GRIA4: variants seen among roughly 807,000 people sequenced by gnomAD.
GRIA4 encodes glutamate ionotropic receptor AMPA type subunit 4.
In GRIA4, 34 loss-of-function variants were observed where a neutral mutation model predicts 104.0. The observed-to-expected ratio is 0.33, with a 90% CI of 0.25 to 0.44. The LOEUF (loss-of-function observed/expected upper bound fraction) is 0.44. GRIA4 is among the 20% of genes least tolerant of loss of function. The probability of loss-of-function intolerance (pLI) is 1.00; values close to 1 mark genes in which losing one functional copy is unlikely to be tolerated. For missense variants in GRIA4, 750 were observed against 1,096.5 expected (o/e 0.68, Z 4.46); for synonymous variants, 386 against 381.9 (o/e 1.01, Z -0.13).
In GRIA4 at chr11:105,733,241, T is replaced by G. The variant is rs118190756; in HGVS notation, c.248-19740T>G. 4.7e-3 allele frequency among the ~76,000 whole-genome samples: 715 copies of G among 152,322 alleles called. 10 individuals are homozygous for G. In the East Asian group the frequency reaches 0.049, roughly 10 times the overall value. ...TCTTTAATATCGCACTACTGGATGA[T>G]GCCATACTTTAGAGAAGATACGGTG... On this transcript the variant is annotated intron_variant, in intron 3 of 16. Coordinates refer to ENST00000282499, the MANE Select transcript of GRIA4 (RefSeq NM_000829.4).
intron 10 of GRIA4, among the ~76,000 whole-genome samples, chr11:105,914,602 A>G (rs1350870335): frequency 6.6e-6 from 1 of 152,172 alleles, no homozygotes; most frequent in Non-Finnish European, 1.5e-5. Context: ...TTAAACAGAG[A>G]GTGATTTATC....
At chr11:105,974,580 G>C (rs1204178746) in intron 16 of GRIA4, 136 bp downstream of exon 16, 2 of 1,604,846 alleles carry the variant, frequency 1.2e-6, no homozygotes, top group African/African-American at 2.7e-5. Flanking sequence ...CCCGACTACA[G>C]TGAGTGGGGG....
intron 3 of GRIA4, among the ~76,000 whole-genome samples, chr11:105,724,679 G>A (rs969644786): frequency 1.3e-5 from 2 of 152,042 alleles, no homozygotes; most frequent in Non-Finnish European, 2.9e-5. Flanking sequence ...ATTACTTAAT[G>A]AATGCAGTGT....
At chr11:105,611,663 A>G (rs964169660) in intron 2 of GRIA4, among the ~76,000 whole-genome samples, 1 of 151,658 alleles carries the variant, frequency 6.6e-6, no homozygotes, top group Non-Finnish European at 1.5e-5. Flanking sequence ...TTATTTCTCT[A>G]CCTCGACTCT....
At chr11:105,835,745 G>C (rs1255133694) in intron 4 of GRIA4, among the ~76,000 whole-genome samples, 1 of 152,026 alleles carries the variant, frequency 6.6e-6, no homozygotes, top group African/African-American at 2.4e-5. Context: ...AAAAAGCAGA[G>C]AAACCTCTGG....
At chr11:105,844,919 C>T (rs182024358) in intron 4 of GRIA4, among the ~76,000 whole-genome samples, 280 of 152,284 alleles carry the variant, frequency 1.8e-3, no homozygotes, top group African/African-American at 6.2e-3. Flanking sequence ...TATGGCACAG[C>T]GGGAATGTAG....
At chr11:105,750,086 T>C (rs1384164816) in intron 3 of GRIA4, among the ~76,000 whole-genome samples, 3 of 152,174 alleles carry the variant, frequency 2.0e-5, no homozygotes, top group Non-Finnish European at 4.4e-5. Context: ...ATTATTTGTA[T>C]GCTAAGCAAC....
chr11:105,682,939 C>T lies in GRIA4; in HGVS notation c.248-70042C>T, dbSNP rs185879594. Among the ~76,000 whole-genome samples the T allele has an allele frequency of 2.1e-3, 318 of 152,196 alleles. 4 individuals carry two copies. Among genetic ancestry groups the T allele is most frequent in the African/African-American group, 7.2e-3 (300 of 41,512 alleles). ...CATCGTGTAAAAATATCCCTTAAGC[C>T]ATCTATTATTTTTGATAGGTCAAAT... On this transcript the variant is annotated intron_variant, in intron 3 of 16. Transcript: ENST00000282499.
intron 14 of GRIA4, among the ~76,000 whole-genome samples, chr11:105,948,038 G>A (rs1377257536): frequency 1.3e-5 from 2 of 152,140 alleles, no homozygotes; most frequent in Admixed American, 6.5e-5. Context: ...GAGCCCCCAT[G>A]TATCTGAACT....
intron 3 of GRIA4, chr11:105,706,926 T>A (rs1293587418): frequency 6.6e-6 from 1 of 152,270 alleles, no homozygotes; most frequent in African/African-American, 2.4e-5. Flanking sequence ...CCATGCTTTA[T>A]ATACGTCAAA....
chr11:105,698,660 C>T (rs1953375255), intron 3 of GRIA4, among the ~76,000 whole-genome samples: 1 of 152,164 alleles, frequency 6.6e-6, no homozygotes, highest in South Asian at 2.1e-4. Flanking sequence ...AGAGAATGTG[C>T]ATAAAAAATC....
At position 105,866,131 on chromosome 11, in the gene GRIA4, T is replaced by C. The variant is rs142522424; in HGVS notation, c.672+3923T>C. 3.6e-3 allele frequency among the ~76,000 whole-genome samples: 541 copies of C among 152,238 alleles called. 1 individual carries two copies. The highest frequency in any genetic ancestry group is 0.012 in the African/African-American group (517 of 41,546). The stretch of plus-strand genomic sequence containing the variant: ...CTCTGAGAGATGGATAAGAAATCTT[T>C]AGTTGTTTATTTTTAAAACGTAAAT... On this transcript the variant is annotated intron_variant, in intron 5 of 16. Transcript: ENST00000282499.
chr11:105,872,007 G>T (rs1431052126), intron 5 of GRIA4, among the ~76,000 whole-genome samples: 1 of 152,060 alleles, frequency 6.6e-6, no homozygotes, highest in Non-Finnish European at 1.5e-5. Flanking sequence ...AAGGAAGGAG[G>T]TGAGTGAAAG....
At chr11:105,803,262 T>G (rs543128479) in intron 4 of GRIA4, among the ~76,000 whole-genome samples, 1 of 152,078 alleles carries the variant, frequency 6.6e-6, no homozygotes, top group African/African-American at 2.4e-5. Context: ...GTTACCAAAT[T>G]CTTGCAGGAG....
At chr11:105,882,426 T>C (rs933878043) in intron 5 of GRIA4, among the ~76,000 whole-genome samples, 1 of 152,172 alleles carries the variant, frequency 6.6e-6, no homozygotes, top group Non-Finnish European at 1.5e-5. Flanking sequence ...TTATAAACTA[T>C]TGATATATAA....
intron 4 of GRIA4, among the ~76,000 whole-genome samples, chr11:105,804,258 G>A (rs550289388): frequency 9.9e-5 from 15 of 151,782 alleles, no homozygotes; most frequent in Non-Finnish European, 1.9e-4. Context: ...ATGTTATGAT[G>A]TAAAGCTGTC....
At chr11:105,779,628 A>C (rs1300154233) in intron 4 of GRIA4, among the ~76,000 whole-genome samples, 3 of 151,762 alleles carry the variant, frequency 2.0e-5, no homozygotes, top group African/African-American at 7.3e-5. Context: ...AAAACTTAAA[A>C]GTATAATAAA....
chr11:105,818,795 T>G (rs1017508285), intron 4 of GRIA4, among the ~76,000 whole-genome samples: 1 of 152,160 alleles, frequency 6.6e-6, no homozygotes, highest in Non-Finnish European at 1.5e-5. Context: ...TAAGTAACCT[T>G]TACTCCATGA....
At chr11:105,716,227 C>T (rs376804706) in intron 3 of GRIA4, among the ~76,000 whole-genome samples, 203 of 152,120 alleles carry the variant, frequency 1.3e-3, no homozygotes, top group African/African-American at 4.6e-3. Context: ...GACAAGAAAC[C>T]ATTATATCTT....
Sources: gnomAD v4.1 joint callset for allele counts (sites outside exome capture counted in the v4.1 genomes callset) on GRCh38, gnomAD v4.1.1 for gene constraint, MANE v1.5 for transcripts, NCBI Gene and HGNC (gene_info 2026-07-23, HGNC 2026-07-21) for gene names.